Variants in SGCZ observed in about 807,000 individuals in gnomAD.
SGCZ encodes the protein sarcoglycan zeta.
In SGCZ, 40 loss-of-function variants were observed where a neutral mutation model predicts 41.3. The observed-to-expected ratio is 0.97, with a 90% CI of 0.75 to 1.26. The LOEUF (loss-of-function observed/expected upper bound fraction) is 1.26. SGCZ is among the 50% of genes most tolerant of loss of function. SGCZ has a pLI of 0.00. For synonymous variants in SGCZ, 206 were observed against 137.5 expected (o/e 1.50, Z -3.49); for missense variants, 552 against 369.8 (o/e 1.49, Z -4.04).
chr8:14,970,707 T>G (rs1801263994), intron 1 of SGCZ, among the ~76,000 whole-genome samples: 1 of 152,200 alleles, frequency 6.6e-6, no homozygotes, highest in East Asian at 1.9e-4. Flanking sequence ...CTTCTGTAGC[T>G]TTATGAGTCT....
intron 1 of SGCZ, among the ~76,000 whole-genome samples, chr8:15,167,573 C>A (rs268406): frequency 0.68 from 104,158 of 152,088 alleles, 36,361 homozygotes; most frequent in African/African-American, 0.77. Flanking sequence ...CAAAAGGCCT[C>A]TGCAGAAATA....
intron 2 of SGCZ, among the ~76,000 whole-genome samples, chr8:14,492,683 T>A (rs1363272523): frequency 6.6e-6 from 1 of 152,194 alleles, no homozygotes; most frequent in Non-Finnish European, 1.5e-5. Flanking sequence ...ACTTTCACCA[T>A]CTTCTGTGCC....
intron 1 of SGCZ, among the ~76,000 whole-genome samples, chr8:14,781,088 G>A (rs890075178): frequency 7.2e-5 from 11 of 152,124 alleles, no homozygotes; most frequent in Admixed American, 2.6e-4. Flanking sequence ...GATGCAGTCA[G>A]CATTCTGACT....
At chr8:15,003,994 G>A (rs896549378) in intron 1 of SGCZ, among the ~76,000 whole-genome samples, 2 of 152,066 alleles carry the variant, frequency 1.3e-5, no homozygotes, top group African/African-American at 2.4e-5. Flanking sequence ...TGAGCAGGAG[G>A]GGGGAAGCCC....
chr8:14,995,571 A>T (rs1802188479), intron 1 of SGCZ, among the ~76,000 whole-genome samples: 1 of 152,194 alleles, frequency 6.6e-6, no homozygotes, highest in South Asian at 2.1e-4. Flanking sequence ...CCAAATGGGA[A>T]ACTGCCTCTT....
intron 4 of SGCZ, among the ~76,000 whole-genome samples, chr8:14,222,359 G>C (rs564957912): frequency 2.0e-5 from 3 of 151,824 alleles, no homozygotes; most frequent in East Asian, 3.9e-4. Flanking sequence ...TAGTAGAAAC[G>C]GGGTTTCACT....
At chr8:14,398,589 T>C (rs1798984733) in intron 2 of SGCZ, among the ~76,000 whole-genome samples, 1 of 152,098 alleles carries the variant, frequency 6.6e-6, no homozygotes, top group Non-Finnish European at 1.5e-5. Flanking sequence ...CCAAGTTGCC[T>C]TGGGGAGTGC....
At chr8:14,335,965 T>C (rs1802492147) in intron 2 of SGCZ, among the ~76,000 whole-genome samples, 1 of 152,142 alleles carries the variant, frequency 6.6e-6, no homozygotes, top group African/African-American at 2.4e-5. Context: ...TGCAGGTTTG[T>C]TATATAAACT....
At chr8:14,800,865 G>A (rs1043125889) in intron 1 of SGCZ, among the ~76,000 whole-genome samples, 10 of 152,140 alleles carry the variant, frequency 6.6e-5, no homozygotes, top group Non-Finnish European at 1.5e-4. Flanking sequence ...GAGGTGGAAT[G>A]CTAGTCTCAC....
rs192248744 is a variant in SGCZ, at chr8:14,866,442, A to G, written c.40-311516T>C. Among the ~76,000 whole-genome samples, 620 of 151,822 alleles carry G rather than the reference A, an allele frequency of 4.1e-3. 3 individuals are homozygous for G. Among genetic ancestry groups the G allele is most frequent in the Non-Finnish European group, 6.1e-3 (412 of 67,904 alleles). On this transcript the variant is annotated intron_variant, in intron 1 of 7. Transcript: ENST00000382080. ...TATTCTGGTACTATGACTATAAGAA[A>G]GAAAAAAACACACATCTATGTTTGT...
At chr8:14,667,993 G>A (rs111990185) in intron 1 of SGCZ, among the ~76,000 whole-genome samples, 7,406 of 152,154 alleles carry the variant, frequency 0.049, 302 homozygotes, top group African/African-American at 0.11. Context: ...GTCTCACTCT[G>A]TCGCCCAGGC....
chr8:14,319,789 C>A (rs183534200), intron 3 of SGCZ, among the ~76,000 whole-genome samples: 1 of 152,022 alleles, frequency 6.6e-6, no homozygotes, highest in Admixed American at 6.6e-5. Flanking sequence ...GAAGTGAGGA[C>A]AAACTGGAGA....
intron 1 of SGCZ, among the ~76,000 whole-genome samples, chr8:15,199,537 A>G (rs891212402): frequency 2.9e-4 from 44 of 152,202 alleles, no homozygotes; most frequent in African/African-American, 1.0e-3. Flanking sequence ...TACAATTTTT[A>G]GCCAGGAGGG....
intron 1 of SGCZ, among the ~76,000 whole-genome samples, chr8:14,993,162 C>T (rs1431278171): frequency 1.3e-5 from 2 of 152,202 alleles, no homozygotes; most frequent in Admixed American, 1.3e-4. Context: ...TATCTCCTGT[C>T]TTCCTTGAGG....
rs537329717 is a variant in SGCZ, at chr8:14,964,627, T to C, written c.39+272958A>G. On this transcript the variant is annotated intron_variant, in intron 1 of 7. Transcript: ENST00000382080. The stretch of plus-strand genomic sequence containing the variant: ...ACGTAGCTTTGCAATGGGATAACCC[T>C]GAAAAGTGGTCCTGAATTGAAACAA... 8.5e-5 allele frequency among the ~76,000 whole-genome samples: 13 copies of C among 152,302 alleles called. No homozygotes were observed. In the South Asian group the frequency reaches 2.7e-3, roughly 32 times the overall value.
At chr8:14,183,554 A>T (rs973435970) in intron 4 of SGCZ, among the ~76,000 whole-genome samples, 10 of 152,194 alleles carry the variant, frequency 6.6e-5, no homozygotes, top group African/African-American at 2.4e-4. Flanking sequence ...ATACTAGAAA[A>T]TCATTAAATG....
chr8:14,228,480 T>C (rs1292637763), intron 4 of SGCZ, among the ~76,000 whole-genome samples: 1 of 152,104 alleles, frequency 6.6e-6, no homozygotes, highest in African/African-American at 2.4e-5. Flanking sequence ...ATTCAAACAC[T>C]AGAGATATAC....
At chr8:14,478,982 C>T (rs1465825256) in intron 2 of SGCZ, among the ~76,000 whole-genome samples, 4 of 152,166 alleles carry the variant, frequency 2.6e-5, no homozygotes, top group Non-Finnish European at 5.9e-5. Flanking sequence ...TAATGCCCAC[C>T]CCTCTAACTG....
At chr8:14,535,783 G>C (rs1803276063) in intron 2 of SGCZ, among the ~76,000 whole-genome samples, 1 of 151,780 alleles carries the variant, frequency 6.6e-6, no homozygotes, top group African/African-American at 2.4e-5. Context: ...GAATGGATTA[G>C]GGTTGTAGGG....
Sources: allele counts gnomAD v4.1 joint callset (sites outside exome capture counted in the v4.1 genomes callset), GRCh38; gene constraint gnomAD v4.1.1; transcripts MANE v1.5; gene names NCBI Gene and HGNC (gene_info 2026-07-23, HGNC 2026-07-21).